Variants in OXTR observed in about 807,000 individuals in gnomAD.
The protein encoded by OXTR is oxytocin receptor.
A neutral mutation model predicts 23.9 loss-of-function variants in OXTR; 19 were observed. The ratio of observed to expected loss-of-function variants is 0.80; its 90% CI spans 0.56 to 1.17. The LOEUF is 1.17. Among genes scored for constraint, OXTR ranks in the 50% most tolerant of loss-of-function variants. The pLI, the probability that OXTR is intolerant of heterozygous loss-of-function variation, is 0.00. For missense variants in OXTR, 500 were observed against 550.7 expected (o/e 0.91, Z 0.92); for synonymous variants, 278 against 250.5 (o/e 1.11, Z -1.04).
At chr3:8,756,673 C>T (rs999523877) in intron 3 of OXTR, among the ~76,000 whole-genome samples, 19 of 152,216 alleles carry the variant, frequency 1.2e-4, no homozygotes, top group African/African-American at 4.3e-4. Flanking sequence ...ATTCCTCTAG[C>T]TGCCCAAGAG....
At chr3:8,762,535 T>A (rs757377340) in intron 3 of OXTR, among the ~76,000 whole-genome samples, 1 of 151,994 alleles carries the variant, frequency 6.6e-6, no homozygotes. Context: ...TGGCCCAGAG[T>A]GAATATCCTG....
intron 3 of OXTR, among the ~76,000 whole-genome samples, chr3:8,757,974 C>A (rs181687790): frequency 1.3e-5 from 2 of 152,078 alleles, no homozygotes; most frequent in Non-Finnish European, 2.9e-5. Flanking sequence ...GGGGGTAAAG[C>A]ATTTGGGGAA....
At chr3:8,753,374 A>AAAG (rs1377557189) in intron 3 of OXTR, 150 bp from the exon 4 acceptor site, 12 of 953,758 alleles carry the variant, frequency 1.3e-5, no homozygotes, top group Non-Finnish European at 1.9e-5. Flanking sequence ...CTAAAGAGGC[A>AAAG]AAGTTTGTCT....
intron 3 of OXTR, among the ~76,000 whole-genome samples, chr3:8,756,742 A>T (rs974056950): frequency 6.6e-6 from 1 of 152,200 alleles, no homozygotes; most frequent in Non-Finnish European, 1.5e-5. Flanking sequence ...GGCCAAAAGG[A>T]GCTGCCACCA....
chr3:8,742,418 G>T, the OXTR span: 64 of 408,476 alleles, frequency 1.6e-4, no homozygotes, highest in South Asian at 7.2e-4. Flanking sequence ...ACATACAGAA[G>T]CCATTGGCGG....
In OXTR at chr3:8,752,609, T is replaced by C. The variant is rs1485126514; in HGVS notation, c.*368A>G. On this transcript the variant is annotated 3_prime_UTR_variant, in exon 4 of 4. Coordinates refer to ENST00000316793, the MANE Select transcript of OXTR (RefSeq NM_000916.4). The stretch of plus-strand genomic sequence containing the variant: ...TACCCCAAGTCCAGAACACTGGACT[T>C]CCTGACCCAATTGGTCACCAATCCT... 5 of 204,928 alleles carry C rather than the reference T, an allele frequency of 2.4e-5. No homozygotes were observed. Among genetic ancestry groups the C allele is most frequent in the Non-Finnish European group, 5.0e-5 (5 of 99,744 alleles). 12.7% of individuals were successfully genotyped at this position (204,928 alleles called of 1,614,324 possible).
intron 3 of OXTR, among the ~76,000 whole-genome samples, chr3:8,761,670 A>G (rs62243371): frequency 0.02 from 3,117 of 152,302 alleles, 42 homozygotes; most frequent in Non-Finnish European, 0.029. Context: ...TCCTTGCTGC[A>G]TTAGGGTGAG....
chr3:8,761,314 C>T (rs1157995832), intron 3 of OXTR, among the ~76,000 whole-genome samples: 5 of 152,102 alleles, frequency 3.3e-5, no homozygotes, highest in Non-Finnish European at 5.9e-5. Flanking sequence ...GTGCCATCAG[C>T]GGATGTGTAC....
chr3:8,767,037 T>C (rs191763202), intron 3 of OXTR, among the ~76,000 whole-genome samples: 135 of 152,292 alleles, frequency 8.9e-4, no homozygotes, highest in African/African-American at 3.1e-3. Flanking sequence ...CTGGTGACAG[T>C]TGGTACTTTT....
intron 3 of OXTR, among the ~76,000 whole-genome samples, chr3:8,760,165 G>A (rs1708457140): frequency 6.6e-6 from 1 of 152,176 alleles, no homozygotes; most frequent in African/African-American, 2.4e-5. Context: ...TACAACCTAA[G>A]TCCTATTCTG....
At chr3:8,764,982 T>C (rs1033991628) in intron 3 of OXTR, among the ~76,000 whole-genome samples, 2 of 152,168 alleles carry the variant, frequency 1.3e-5, no homozygotes, top group African/African-American at 4.8e-5. Context: ...ATTCTTAAAG[T>C]CCTCTTCTTT....
At chr3:8,744,195 G>A in the OXTR span, among the ~76,000 whole-genome samples, 3 of 152,198 alleles carry the variant, frequency 2.0e-5, no homozygotes, top group Admixed American at 6.5e-5. Context: ...CCCACTTGGC[G>A]GGCTGTACTG....
rs1328706913 is a variant in OXTR at position 8,753,124 on chromosome 3, C to T, written c.1023G>A (p.Val341=). Residue 341 remains valine (V), a synonymous_variant, in exon 4 of 4, where the codon GTG becomes GTA. Coordinates refer to ENST00000316793, the MANE Select transcript of OXTR (RefSeq NM_000916.4). The stretch of plus-strand genomic sequence containing the variant: ...TGGCGGAGCAGCACAGGAAGCGCTG[C>T]ACGAGTTCGTGGAAGAGGTGGCCCG... The part of the protein sequence containing the change: ...LFTGHLFHEL[V]QRFLCCSASY... The T allele has an allele frequency of 6.2e-7, 1 of 1,614,126 alleles. No homozygotes were observed.
In OXTR at chr3:8,767,685, C is replaced by A. The variant is rs1336464834; in HGVS notation, c.503G>T (p.Ser168Ile). 1 of 1,610,202 alleles carries A rather than the reference C, an allele frequency of 6.2e-7. No individual in the cohort carries two copies. The highest frequency in any genetic ancestry group is 1.7e-5 in the Admixed American group (1 of 59,784). The change falls in exon 3 of 4, where the codon AGC becomes ATC. Residue 168 changes from serine to isoleucine, a missense_variant. Coordinates refer to ENST00000316793, the MANE Select transcript of OXTR (RefSeq NM_000916.4). The part of the protein sequence containing the change: ...LATWLGCLVA[S>I]APQVHIFSLR... ...AGAGAAGATGTGCACCTGCGGCGCGCTGGCCACCAGGCAGCCGAGCCACGT... is the reference window on the plus strand; with the variant it reads ...AGAGAAGATGTGCACCTGCGGCGCGATGGCCACCAGGCAGCCGAGCCACGT...
Position 8,767,483 on chromosome 3 carries a change from G to T in OXTR, c.705C>A (p.Thr235=), listed in dbSNP as rs765500112. Residue 235 remains threonine (T), a synonymous_variant, in exon 3 of 4, where the codon ACC becomes ACA. Coordinates refer to ENST00000316793, the MANE Select transcript of OXTR (RefSeq NM_000916.4). ...FKIWQNLRLK[T]AAAAAAEAPE... Reference sequence around the variant, plus strand: ...GCGCCTCGGCCGCCGCCGCTGCAGCGGTCTTGAGCCGCAAGTTCTGCCAGA... The same window carrying T: ...GCGCCTCGGCCGCCGCCGCTGCAGCTGTCTTGAGCCGCAAGTTCTGCCAGA... The T allele has an allele frequency of 1.1e-5, 17 of 1,607,342 alleles. No homozygotes were observed. Among genetic ancestry groups the T allele is most frequent in the Non-Finnish European group, 1.4e-5 (17 of 1,177,028 alleles).
Position 8,751,729 on chromosome 3 carries a change from T to C in OXTR, c.*1248A>G, listed in dbSNP as rs1708263433. ...TATCTGTACTCTTTATTCTGCTCCGTATGTCTATCCTTAAACCAGTAACAC... is the reference window on the plus strand; with the variant it reads ...TATCTGTACTCTTTATTCTGCTCCGCATGTCTATCCTTAAACCAGTAACAC... On this transcript the variant is annotated 3_prime_UTR_variant, in exon 4 of 4. Coordinates refer to ENST00000316793, the MANE Select transcript of OXTR (RefSeq NM_000916.4). 1 of 152,240 alleles carries C rather than the reference T, an allele frequency of 6.6e-6. No homozygotes were observed. The highest frequency in any genetic ancestry group is 1.5e-5 in the Non-Finnish European group (1 of 68,040). 9.4% of individuals were successfully genotyped at this position (152,240 alleles called of 1,614,324 possible).
chr3:8,765,595 C>T (rs567961414), intron 3 of OXTR, among the ~76,000 whole-genome samples: 12 of 152,174 alleles, frequency 7.9e-5, no homozygotes, highest in African/African-American at 2.2e-4. Context: ...AGTTGGTGTT[C>T]GAGCTCCTCA....
chr3:8,748,087 A>G (rs572212622), downstream of OXTR, among the ~76,000 whole-genome samples: 2 of 150,750 alleles, frequency 1.3e-5, no homozygotes, highest in South Asian at 4.2e-4. Flanking sequence ...AGGAGGATGG[A>G]GTTCCATTCC....
intron 3 of OXTR, among the ~76,000 whole-genome samples, chr3:8,763,816 T>C (rs1422045384): frequency 1.3e-5 from 2 of 152,220 alleles, no homozygotes; most frequent in African/African-American, 4.8e-5. Context: ...TTTTCCTCTT[T>C]GGTTCTTATA....
Sources: gnomAD v4.1 joint callset for allele counts (sites outside exome capture counted in the v4.1 genomes callset) on GRCh38, gnomAD v4.1.1 for gene constraint, MANE v1.5 for transcripts, NCBI Gene and HGNC (gene_info 2026-07-23, HGNC 2026-07-21) for gene names.